Variants in COMMD1 observed in about 807,000 individuals in gnomAD.
The protein encoded by COMMD1 is COMM domain-containing protein 1.
In COMMD1, 10 loss-of-function variants were observed where a neutral mutation model predicts 17.2. The observed-to-expected ratio is 0.58, with a 90% confidence interval of 0.36 to 0.99. The LOEUF (loss-of-function observed/expected upper bound fraction) is 0.99. COMMD1 is among the 50% of genes least tolerant of loss of function. The probability of loss-of-function intolerance (pLI) is 0.01; values close to 1 mark genes in which losing one functional copy is unlikely to be tolerated. For synonymous variants in COMMD1, 97 were observed against 91.6 expected (o/e 1.06, Z -0.34); for missense variants, 270 against 231.8 (o/e 1.17, Z -1.07).
chr2:62,002,966 C>T (rs1050984946), intron 2 of COMMD1, among the ~76,000 whole-genome samples: 1 of 152,182 alleles, frequency 6.6e-6, no homozygotes. Flanking sequence ...GGCACAGTGG[C>T]TCACGCCTGT....
At chr2:61,907,333 C>T (rs968533001) in intron 1 of COMMD1, among the ~76,000 whole-genome samples, 2 of 152,184 alleles carry the variant, frequency 1.3e-5, no homozygotes, top group Non-Finnish European at 2.9e-5. Flanking sequence ...TTTTGATCTC[C>T]TGACTTCGTT....
At chr2:62,054,176 G>A (rs1304426753) in intron 2 of COMMD1, among the ~76,000 whole-genome samples, 1 of 152,174 alleles carries the variant, frequency 6.6e-6, no homozygotes, top group Non-Finnish European at 1.5e-5. Context: ...CAGTCAGAGT[G>A]CCTATTACTA....
intron 1 of COMMD1, among the ~76,000 whole-genome samples, chr2:61,963,708 G>T (rs766700992): frequency 4.6e-5 from 7 of 152,100 alleles, no homozygotes; most frequent in Non-Finnish European, 8.8e-5. Flanking sequence ...TGTCAGAAAT[G>T]GTATCCTCTT....
At chr2:61,917,356 T>TAA (rs746867252) in intron 1 of COMMD1, among the ~76,000 whole-genome samples, 3 of 138,588 alleles carry the variant, frequency 2.2e-5, no homozygotes, top group Non-Finnish European at 3.2e-5. Flanking sequence ...GACTCCAGTT[T>TAA]AAAAAAAAAA....
intron 1 of COMMD1, among the ~76,000 whole-genome samples, chr2:61,966,819 A>G (rs1671516595): frequency 6.6e-6 from 1 of 152,070 alleles, no homozygotes; most frequent in African/African-American, 2.4e-5. Flanking sequence ...TTGGGAAATT[A>G]AAAGTCTGTG....
chr2:62,053,419 T>C (rs985510380), intron 2 of COMMD1, among the ~76,000 whole-genome samples: 6 of 152,216 alleles, frequency 3.9e-5, no homozygotes, highest in Admixed American at 3.9e-4. Context: ...CACCTTGCTT[T>C]CTTAGTGGAT....
intron 2 of COMMD1, among the ~76,000 whole-genome samples, chr2:62,095,217 A>G (rs775682022): frequency 2.6e-5 from 4 of 152,198 alleles, no homozygotes; most frequent in Non-Finnish European, 4.4e-5. Flanking sequence ...TGAATAGCAA[A>G]CTTGGGAGGG....
intron 2 of COMMD1, chr2:62,055,504 A>C: frequency 2.2e-6 from 1 of 455,748 alleles, no homozygotes; most frequent in Non-Finnish European, 4.4e-6. Context: ...CCGGCTATCC[A>C]TTGAAGCCAT....
At chr2:61,985,414 T>C (rs1321331700) in intron 1 of COMMD1, among the ~76,000 whole-genome samples, 2 of 152,212 alleles carry the variant, frequency 1.3e-5, no homozygotes, top group Non-Finnish European at 2.9e-5. Context: ...TCTTGTTTTT[T>C]TATCCATTCA....
chr2:61,922,634 A>G (rs1236245220), intron 1 of COMMD1, among the ~76,000 whole-genome samples: 1 of 152,140 alleles, frequency 6.6e-6, no homozygotes, highest in Admixed American at 6.6e-5. Flanking sequence ...TGGTAGTTTT[A>G]TTATAAAAAT....
intron 2 of COMMD1, among the ~76,000 whole-genome samples, chr2:62,134,517 C>T (rs1371280553): frequency 6.6e-6 from 1 of 151,170 alleles, no homozygotes; most frequent in Non-Finnish European, 1.5e-5. Flanking sequence ...TAGAATTTGT[C>T]TAGTGTGCAT....
chr2:62,011,501 G>C (rs1421288946), intron 2 of COMMD1, among the ~76,000 whole-genome samples: 1 of 151,996 alleles, frequency 6.6e-6, no homozygotes, highest in Admixed American at 6.6e-5. Context: ...AGAGGACAAA[G>C]ATTTTTTTTT....
At chr2:61,930,912 G>A (rs1222753208) in intron 1 of COMMD1, among the ~76,000 whole-genome samples, 2 of 152,104 alleles carry the variant, frequency 1.3e-5, no homozygotes, top group East Asian at 3.9e-4. Context: ...GACTGAAGCT[G>A]TGAGGTTTCT....
intron 2 of COMMD1, among the ~76,000 whole-genome samples, chr2:62,102,621 C>T (rs987116290): frequency 9.2e-5 from 14 of 152,158 alleles, no homozygotes; most frequent in African/African-American, 3.4e-4. Flanking sequence ...GTCTCATTCT[C>T]CCCTAAGGCT....
intron 2 of COMMD1, among the ~76,000 whole-genome samples, chr2:62,103,165 A>G (rs1018593180): frequency 8.6e-5 from 13 of 151,920 alleles, no homozygotes; most frequent in Admixed American, 5.2e-4. Context: ...TTTTTAGTAG[A>G]GACGGAGTTT....
chr2:61,926,955 C>G (rs944278533), intron 1 of COMMD1, among the ~76,000 whole-genome samples: 2 of 152,138 alleles, frequency 1.3e-5, no homozygotes, highest in African/African-American at 2.4e-5. Flanking sequence ...GTGCCTCAGT[C>G]ACTTTTGGCT....
intron 2 of COMMD1, among the ~76,000 whole-genome samples, chr2:62,102,073 A>G (rs959839208): frequency 6.6e-6 from 1 of 152,194 alleles, no homozygotes; most frequent in African/African-American, 2.4e-5. Flanking sequence ...ATTAGCGTAC[A>G]AAAGACACTC....
intron 1 of COMMD1, among the ~76,000 whole-genome samples, chr2:61,984,347 T>G (rs999519451): frequency 2.0e-5 from 3 of 152,336 alleles, no homozygotes; most frequent in Non-Finnish European, 4.4e-5. Flanking sequence ...CATTATTGTT[T>G]CAATAAATTT....
chr2:62,133,709 T>C (rs953017539), intron 2 of COMMD1, among the ~76,000 whole-genome samples: 1 of 152,142 alleles, frequency 6.6e-6, no homozygotes, highest in African/African-American at 2.4e-5. Flanking sequence ...ATATGGTGAA[T>C]CTAATAGTAG....
Sources: gnomAD v4.1 joint callset for allele counts (sites outside exome capture counted in the v4.1 genomes callset) on GRCh38, gnomAD v4.1.1 for gene constraint, MANE v1.5 for transcripts, NCBI Gene and HGNC (gene_info 2026-07-23, HGNC 2026-07-21) for gene names.